The following CACNA1D variants were observed in gnomAD, a reference collection of about 807,000 sequenced individuals.
CACNA1D encodes the protein calcium voltage-gated channel subunit alpha1 D.
A neutral mutation model predicts 257.1 loss-of-function variants in CACNA1D; 55 were observed. That is an observed-to-expected ratio of 0.21 (90% confidence interval 0.17 to 0.27). The LOEUF (loss-of-function observed/expected upper bound fraction) is 0.27, where lower values mean the gene tolerates loss of function less well. CACNA1D is among the 10% of genes least tolerant of loss of function. CACNA1D has a pLI of 1.00. For missense variants in CACNA1D, 1,876 were observed against 2,784.0 expected (o/e 0.67, Z 7.34); for synonymous variants, 980 against 1,014.9 (o/e 0.97, Z 0.65).
Position 53,808,021 on chromosome 3 carries a change from T to A in CACNA1D, c.5750-628T>A, listed in dbSNP as rs574605894. ...GGTGACAGTGGGAAGTGTCGTGGGG[T>A]TCTGGCAGGACTTGTGTTCTTGCAC... On this transcript the variant is annotated intron_variant, in intron 45 of 47. Transcript: ENST00000350061. 3.9e-4 allele frequency: 60 copies of A among 153,598 alleles called. No individual in the cohort carries two copies. The Middle Eastern group carries it at 0.01, about 26-fold the overall frequency. The allele number at this position is 153,598 out of a possible 1,614,324, so 9.5% of individuals were successfully genotyped here. A position where few individuals can be genotyped will look rare whatever the true frequency, so the allele number is the denominator to read the frequency against.
rs145731284 is a variant in CACNA1D, at chr3:53,609,071, A to C, written c.484-41708A>C. ...AAATGTTTGACAGAATTTACCAGTGAAATGGAGTCTGGAGTTCTCTTTGTG... is the reference window on the plus strand; with the variant it reads ...AAATGTTTGACAGAATTTACCAGTGCAATGGAGTCTGGAGTTCTCTTTGTG... On this transcript the variant is annotated intron_variant, in intron 3 of 47. Coordinates refer to ENST00000350061, the MANE Select transcript of CACNA1D (RefSeq NM_001128840.3). Among the ~76,000 whole-genome samples the C allele has an allele frequency of 1.8e-3, 267 of 152,296 alleles. 7 individuals are homozygous for C. In the East Asian group the frequency reaches 0.03, roughly 17 times the overall value.
intron 40 of CACNA1D, among the ~76,000 whole-genome samples, chr3:53,787,775 G>A (rs1213405474): frequency 1.3e-5 from 2 of 152,110 alleles, no homozygotes; most frequent in Non-Finnish European, 2.9e-5. Flanking sequence ...TGAGTGCCGT[G>A]GATGAAGGAG....
chr3:53,776,539 T>G, intron 35 of CACNA1D, 64 bp from the exon 36 acceptor site: 1 of 1,600,782 alleles, frequency 6.2e-7, no homozygotes. Flanking sequence ...TTAGAAAGCC[T>G]GTGCTCAGTT....
intron 3 of CACNA1D, among the ~76,000 whole-genome samples, chr3:53,581,289 T>A (rs1261141022): frequency 1.3e-5 from 2 of 152,128 alleles, no homozygotes; most frequent in African/African-American, 2.4e-5. Flanking sequence ...TTTACCTAAA[T>A]AAAGAAATAC....
chr3:53,554,508 G>A (rs747179005), intron 3 of CACNA1D, among the ~76,000 whole-genome samples: 5 of 152,052 alleles, frequency 3.3e-5, no homozygotes, highest in African/African-American at 7.2e-5. Flanking sequence ...TCCCTTCTTC[G>A]TGCCACCACC....
At chr3:53,562,465 C>G (rs1365911645) in intron 3 of CACNA1D, among the ~76,000 whole-genome samples, 1 of 152,046 alleles carries the variant, frequency 6.6e-6, no homozygotes, top group Non-Finnish European at 1.5e-5. Flanking sequence ...AAAATGTGAC[C>G]TGAATTGATG....
intron 42 of CACNA1D, 33 bp downstream of exon 42, chr3:53,801,458 G>A (rs2095535360): frequency 6.2e-7 from 1 of 1,611,280 alleles, no homozygotes; most frequent in East Asian, 2.2e-5. Context: ...ACTTGCTCAT[G>A]TGGTGTCTGC....
chr3:53,533,941 T>C (rs2092032301), intron 3 of CACNA1D, among the ~76,000 whole-genome samples: 1 of 152,156 alleles, frequency 6.6e-6, no homozygotes, highest in Non-Finnish European at 1.5e-5. Context: ...ATATGATCGA[T>C]CCATCATATA....
intron 3 of CACNA1D, among the ~76,000 whole-genome samples, chr3:53,561,894 T>C (rs955166997): frequency 2.0e-5 from 3 of 152,242 alleles, no homozygotes; most frequent in Non-Finnish European, 4.4e-5. Context: ...TTTTTATCCC[T>C]TTTACATTGC....
chr3:53,660,060 A>G (rs988344862), intron 4 of CACNA1D, 73 bp from the exon 5 acceptor site: 6 of 1,384,206 alleles, frequency 4.3e-6, no homozygotes, highest in Admixed American at 1.7e-5. Flanking sequence ...TCAAAAATAA[A>G]TAAGATTATC....
intron 3 of CACNA1D, among the ~76,000 whole-genome samples, chr3:53,531,266 T>G (rs1328130903): frequency 1.3e-5 from 2 of 152,210 alleles, no homozygotes; most frequent in Non-Finnish European, 2.9e-5. Flanking sequence ...TGGATGTGTA[T>G]GGTTTAATAT....
rs6805679 is a variant in CACNA1D, at chr3:53,582,047, C to T, written c.484-68732C>T. On this transcript the variant is annotated intron_variant, in intron 3 of 47. Coordinates refer to ENST00000350061, the MANE Select transcript of CACNA1D (RefSeq NM_001128840.3). ...GTTTGTACTGTATGCACAGATCCCA[C>T]GCCCTTACTTAATAATCCAGCCTTG... Among the ~76,000 whole-genome samples, 901 of 152,226 alleles carry T rather than the reference C, an allele frequency of 5.9e-3. 17 individuals are homozygous for T. Among genetic ancestry groups the T allele is most frequent in the African/African-American group, 0.021 (858 of 41,534 alleles).
At chr3:53,662,006 G>A (rs1010584438) in intron 5 of CACNA1D, among the ~76,000 whole-genome samples, 9 of 152,194 alleles carry the variant, frequency 5.9e-5, no homozygotes, top group African/African-American at 1.9e-4. Context: ...ATAGGCTTTT[G>A]AAGAAAAGGA....
chr3:53,616,195 G>T (rs116913147), intron 3 of CACNA1D, among the ~76,000 whole-genome samples: 1 of 152,232 alleles, frequency 6.6e-6, no homozygotes, highest in East Asian at 1.9e-4. Context: ...CAGGGTTGAG[G>T]TATGATGTGT....
rs1456940763 is a variant in CACNA1D, at chr3:53,731,135, A to T, written c.2395A>T (p.Ser799Cys). 6 of 1,606,744 alleles carry T rather than the reference A, an allele frequency of 3.7e-6. No homozygotes were observed. In the East Asian group the frequency reaches 1.3e-4, roughly 36 times the overall value. Reference sequence around the variant, plus strand: ...ACCAGAAGTCAACCAGATAGCCAACAGTGACAACAAGGTATGTATTCTAAG... The same window carrying T: ...ACCAGAAGTCAACCAGATAGCCAACTGTGACAACAAGGTATGTATTCTAAG... ...NKPEVNQIAN[S>C]DNKVTIDDYR... is the part of the protein sequence containing the mutation. The change falls in exon 17 of 48, where the codon AGT becomes TGT. Residue 799 changes from serine (S) to cysteine (C), a missense_variant. Physicochemically the swap from Ser to Cys is moderately radical, Grantham distance 112 (BLOSUM62 -1). This residue lies in a region of CACNA1D where 78 missense variants were observed against 69.2 expected (regional missense o/e 1.13). Coordinates refer to ENST00000350061, the MANE Select transcript of CACNA1D (RefSeq NM_001128840.3).
At chr3:53,706,992 G>A (rs73842091) in intron 9 of CACNA1D, among the ~76,000 whole-genome samples, 3,489 of 152,176 alleles carry the variant, frequency 0.023, 144 homozygotes, top group African/African-American at 0.08. Flanking sequence ...AAACTATAAA[G>A]TTCTGAAGTA....
At chr3:53,686,553 T>C (rs1458734736) in intron 8 of CACNA1D, among the ~76,000 whole-genome samples, 1 of 152,046 alleles carries the variant, frequency 6.6e-6, no homozygotes, top group African/African-American at 2.4e-5. Flanking sequence ...TAATTTACCA[T>C]ATTAATAGAA....
At chr3:53,633,908 T>A (rs1048438395) in intron 3 of CACNA1D, among the ~76,000 whole-genome samples, 1 of 152,224 alleles carries the variant, frequency 6.6e-6, no homozygotes, top group Non-Finnish European at 1.5e-5. Flanking sequence ...TGAGATCTGA[T>A]TCACCAACAT....
At chr3:53,676,102 C>G (rs557803925) in intron 8 of CACNA1D, among the ~76,000 whole-genome samples, 5 of 152,284 alleles carry the variant, frequency 3.3e-5, no homozygotes, top group Admixed American at 2.0e-4. Context: ...CGGCCTTGTG[C>G]TTAGGCGTTC....
Sources: gnomAD v4.1 joint callset for allele counts (sites outside exome capture counted in the v4.1 genomes callset) on GRCh38, gnomAD v4.1.1 for gene constraint, gnomAD v4.1.1 regional missense constraint, MANE v1.5 for transcripts, NCBI Gene and HGNC (gene_info 2026-07-23, HGNC 2026-07-21) for gene names.